Variants in CACHD1 observed in about 807,000 individuals in gnomAD.
The protein encoded by CACHD1 is cache domain containing 1, also known as VWFA and cache domain-containing protein 1.
Under a neutral mutation model 138.7 loss-of-function variants are expected in CACHD1, and 71 were observed. The observed-to-expected ratio is 0.51, with a 90% CI of 0.42 to 0.62. CACHD1 has a LOEUF of 0.62. CACHD1 is among the 20% of genes least tolerant of loss of function. The probability of loss-of-function intolerance (pLI) is 0.00; values close to 1 mark genes in which losing one functional copy is unlikely to be tolerated. For synonymous variants in CACHD1, 578 were observed against 591.5 expected (o/e 0.98, Z 0.33); for missense variants, 1,389 against 1,625.3 (o/e 0.85, Z 2.50).
At chr1:64,492,636 C>T (rs906819349) in intron 1 of CACHD1, among the ~76,000 whole-genome samples, 19 of 151,934 alleles carry the variant, frequency 1.3e-4, no homozygotes, top group African/African-American at 3.6e-4. Flanking sequence ...CAGCGCTGTG[C>T]GGTTACTCCG....
At chr1:64,538,468 C>CTAGTAA (rs1178254014) in intron 1 of CACHD1, among the ~76,000 whole-genome samples, 1 of 152,124 alleles carries the variant, frequency 6.6e-6, no homozygotes, top group Admixed American at 6.6e-5. Flanking sequence ...TAGCAATTGG[C>CTAGTAA]ATGTCAGTAA....
intron 1 of CACHD1, among the ~76,000 whole-genome samples, chr1:64,478,939 T>C (rs1252167479): frequency 6.8e-6 from 1 of 147,308 alleles, no homozygotes; most frequent in African/African-American, 2.5e-5. Flanking sequence ...GTTTTTTCCA[T>C]AAAATATCTT....
At chr1:64,685,705 G>T (rs1287378994) in intron 26 of CACHD1, among the ~76,000 whole-genome samples, 2 of 152,004 alleles carry the variant, frequency 1.3e-5, no homozygotes, top group Non-Finnish European at 2.9e-5. Flanking sequence ...AGGCATGGTG[G>T]TACGTGCCTG....
intron 1 of CACHD1, among the ~76,000 whole-genome samples, chr1:64,538,518 A>G (rs1311487638): frequency 2.6e-5 from 4 of 152,236 alleles, no homozygotes; most frequent in African/African-American, 9.6e-5. Flanking sequence ...TTAGGTTCAC[A>G]GTATTTTATA....
In CACHD1 at chr1:64,471,834, GATGTTACTCACGACCAACAGTAGT is replaced by G. The variant is rs1381752443; in HGVS notation, c.198+894_198+917del. ...CCCGCAGCTAGTAAGGAATCCTGAT[GATGTTACTCACGACCAACAGTAGT>G]AAAAATTGCTGAACACCAACCACCT... On this transcript the variant is annotated intron_variant, in intron 1 of 26. Coordinates refer to ENST00000651257, the MANE Select transcript of CACHD1 (RefSeq NM_020925.4). Among the ~76,000 whole-genome samples, 13 of 152,202 alleles carry G rather than the reference GATGTTACTCACGACCAACAGTAGT, an allele frequency of 8.5e-5. No individual in the cohort carries two copies. In the East Asian group the frequency reaches 2.1e-3, roughly 25 times the overall value.
intron 2 of CACHD1, among the ~76,000 whole-genome samples, chr1:64,552,523 G>A (rs1216895188): frequency 6.8e-6 from 1 of 147,882 alleles, no homozygotes; most frequent in African/African-American, 2.5e-5. Context: ...ATGCTGGAGT[G>A]CAGTGGTGGG....
intron 4 of CACHD1, among the ~76,000 whole-genome samples, chr1:64,619,849 C>G (rs183795789): frequency 1.3e-5 from 2 of 152,250 alleles, no homozygotes; most frequent in African/African-American, 4.8e-5. Flanking sequence ...TTTGCCTCCT[C>G]TAGTTATAAT....
intron 3 of CACHD1, among the ~76,000 whole-genome samples, chr1:64,591,739 C>A (rs1421886738): frequency 1.3e-5 from 2 of 152,118 alleles, no homozygotes; most frequent in Admixed American, 1.3e-4. Flanking sequence ...CAAGAGGAGG[C>A]CTGGACTTGG....
chr1:64,548,643 A>G (rs1646735817), intron 1 of CACHD1, among the ~76,000 whole-genome samples: 1 of 152,220 alleles, frequency 6.6e-6, no homozygotes, highest in Non-Finnish European at 1.5e-5. Context: ...AGTGGTATCT[A>G]GAGCAGAGCC....
At chr1:64,647,584 C>T (rs943631105) in intron 8 of CACHD1, among the ~76,000 whole-genome samples, 3 of 152,138 alleles carry the variant, frequency 2.0e-5, no homozygotes, top group Admixed American at 6.6e-5. Flanking sequence ...TGTGAAGAGT[C>T]CCTTTCCCCT....
chr1:64,537,802 A>G (rs955543662), intron 1 of CACHD1, among the ~76,000 whole-genome samples: 2 of 152,198 alleles, frequency 1.3e-5, no homozygotes, highest in African/African-American at 4.8e-5. Context: ...AGCCTCACAA[A>G]AACCAGTGAA....
chr1:64,654,852 C>G, intron 12 of CACHD1, 49 bp downstream of exon 12: 1 of 1,368,202 alleles, frequency 7.3e-7, no homozygotes, highest in Non-Finnish European at 1.0e-6. Flanking sequence ...GGGTACAGTG[C>G]TCTTCTTCAT....
At chr1:64,485,086 A>G (rs1332116926) in intron 1 of CACHD1, among the ~76,000 whole-genome samples, 1 of 152,262 alleles carries the variant, frequency 6.6e-6, no homozygotes, top group Non-Finnish European at 1.5e-5. Flanking sequence ...CTTTCCCACC[A>G]GCAATGCACA....
At chr1:64,561,912 G>T (rs983204342) in intron 2 of CACHD1, among the ~76,000 whole-genome samples, 3 of 102,974 alleles carry the variant, frequency 2.9e-5, no homozygotes, top group Non-Finnish European at 6.5e-5. Flanking sequence ...AGATATTTTT[G>T]CTTTAGATAG....
chr1:64,470,302 G>A lies in CACHD1; in HGVS notation c.-443G>A, dbSNP rs367871551. On this transcript the variant is annotated 5_prime_UTR_variant, in exon 1 of 27. Coordinates refer to ENST00000651257, the MANE Select transcript of CACHD1 (RefSeq NM_020925.4). This position sits in a 1 kb window ranked among gnomAD's most constrained non-coding sequence, Gnocchi z 5.2. Reference sequence around the variant, plus strand: ...CGGCCGCCGCTCCTCTTCCCCGGGGGCCGCCGTCAGTCCTCGCCGCCGCCT... The same window carrying A: ...CGGCCGCCGCTCCTCTTCCCCGGGGACCGCCGTCAGTCCTCGCCGCCGCCT... Among the ~76,000 whole-genome samples, 29 of 151,932 alleles carry A rather than the reference G, an allele frequency of 1.9e-4. No individual in the cohort carries two copies. The South Asian group carries it at 5.6e-3, about 29-fold the overall frequency.
intron 1 of CACHD1, among the ~76,000 whole-genome samples, chr1:64,513,783 G>A (rs1248437526): frequency 6.6e-6 from 1 of 152,218 alleles, no homozygotes; most frequent in African/African-American, 2.4e-5. Flanking sequence ...GCTGTTCAAT[G>A]GAAGCCACTT....
chr1:64,612,263 T>C (rs1038796624), intron 4 of CACHD1, among the ~76,000 whole-genome samples: 1 of 152,234 alleles, frequency 6.6e-6, no homozygotes, highest in Non-Finnish European at 1.5e-5. Context: ...ATACAAAGTA[T>C]CTCTAATAGA....
chr1:64,692,751 G>C lies in CACHD1; in HGVS notation c.*1190G>C, dbSNP rs992221418. 5.9e-5 allele frequency: 9 copies of C among 152,106 alleles called. No individual in the cohort carries two copies. Among genetic ancestry groups the C allele is most frequent in the African/African-American group, 1.4e-4 (6 of 41,416 alleles). 9.4% of individuals were successfully genotyped at this position (152,106 alleles called of 1,614,324 possible). On this transcript the variant is annotated 3_prime_UTR_variant, in exon 27 of 27. Transcript: ENST00000651257. ...TCAAATCTGGCTACTATAACATGGG[G>C]CATTGTAACTTTAAAGTAGTGTTTT...
chr1:64,642,898 G>A (rs769301043), intron 8 of CACHD1, among the ~76,000 whole-genome samples: 5 of 151,342 alleles, frequency 3.3e-5, no homozygotes, highest in Non-Finnish European at 5.9e-5. Context: ...AATTAGCTGG[G>A]CGTGGTGGTG....
Sources: allele counts gnomAD v4.1 joint callset (sites outside exome capture counted in the v4.1 genomes callset), GRCh38; gene constraint gnomAD v4.1.1; non-coding constraint Gnocchi (gnomAD v3.1); transcripts MANE v1.5; gene names NCBI Gene and HGNC (gene_info 2026-07-23, HGNC 2026-07-21).